Variants in ACTR1A observed in about 807,000 individuals in gnomAD.
ACTR1A encodes alpha-centractin.
Under a neutral mutation model 50.7 loss-of-function variants are expected in ACTR1A, and 10 were observed. The ratio of observed to expected loss-of-function variants is 0.20; its 90% CI spans 0.12 to 0.33. The LOEUF (loss-of-function observed/expected upper bound fraction) is 0.33. Among genes scored for constraint, ACTR1A ranks in the 10% least tolerant of loss-of-function variants. ACTR1A has a pLI of 1.00. For missense variants in ACTR1A, 253 were observed against 491.7 expected (o/e 0.51, Z 4.59); for synonymous variants, 177 against 184.2 (o/e 0.96, Z 0.32).
intron 2 of ACTR1A, 113 bp downstream of exon 2, chr10:102,490,436 G>A (rs2062186652): frequency 1.3e-6 from 1 of 745,008 alleles, no homozygotes; most frequent in East Asian, 2.8e-5. Context: ...ATTGTACCAT[G>A]TAGACAACTG....
chr10:102,488,379 A>C lies in ACTR1A; in HGVS notation c.190-104T>G. 1.4e-6 allele frequency: 2 copies of C among 1,469,690 alleles called. No individual in the cohort carries two copies. Among genetic ancestry groups the C allele is most frequent in the Non-Finnish European group, 1.9e-6 (2 of 1,067,424 alleles). 91.0% of individuals were successfully genotyped at this position (1,469,690 alleles called of 1,614,324 possible). On this transcript the variant is annotated intron_variant, in intron 3 of 10. Coordinates refer to ENST00000369905, the MANE Select transcript of ACTR1A (RefSeq NM_005736.4). The surrounding 1 kb of genome is among the most constrained non-coding windows in gnomAD (Gnocchi z 4.4). The stretch of plus-strand genomic sequence containing the variant: ...GCTGAATCCCTTGCAAAGAAGCCTC[A>C]GCTTCCTGAGCTTCCACCCTGCTGT...
Position 102,488,051 on chromosome 10 carries a change from C to A in ACTR1A, c.315+99G>T. ...GCCTGAAAATCAAATGGCTCCAGCA[C>A]TCTTGGCAGTGATCATCGTCCTCCT... is the stretch of plus-strand genomic sequence containing the variant. On this transcript the variant is annotated intron_variant, in intron 4 of 10. Coordinates refer to ENST00000369905, the MANE Select transcript of ACTR1A (RefSeq NM_005736.4). The surrounding 1 kb of genome is among the most constrained non-coding windows in gnomAD (Gnocchi z 4.4). 1.4e-6 allele frequency: 2 copies of A among 1,436,088 alleles called. No homozygotes were observed. The highest frequency in any genetic ancestry group is 1.3e-5 in the South Asian group (1 of 78,398). 89.0% of individuals were successfully genotyped at this position (1,436,088 alleles called of 1,614,324 possible).
intron 1 of ACTR1A, among the ~76,000 whole-genome samples, chr10:102,494,323 C>T (rs1202661409): frequency 6.6e-6 from 1 of 152,114 alleles, no homozygotes; most frequent in Non-Finnish European, 1.5e-5. Context: ...TGGAGAAACC[C>T]CATCACTACA....
chr10:102,498,757 GCCA>G lies in ACTR1A; in HGVS notation c.48+3840_48+3842del, dbSNP rs554563899. Among the ~76,000 whole-genome samples, 343 of 152,078 alleles carry G rather than the reference GCCA, an allele frequency of 2.3e-3. 2 individuals carry two copies. The highest frequency in any genetic ancestry group is 7.8e-3 in the African/African-American group (325 of 41,456). Reference sequence around the variant, plus strand: ...CAAAATGCTGGAATTACAGGAGTAAGCCACCACATTTGGCCTGGATCTTAGGAA... The same window carrying G: ...CAAAATGCTGGAATTACAGGAGTAAGCCACATTTGGCCTGGATCTTAGGAA... On this transcript the variant is annotated intron_variant, in intron 1 of 10. Coordinates refer to ENST00000369905, the MANE Select transcript of ACTR1A (RefSeq NM_005736.4).
intron 4 of ACTR1A, among the ~76,000 whole-genome samples, chr10:102,487,057 C>T (rs374965773): frequency 6.6e-6 from 1 of 151,398 alleles, no homozygotes; most frequent in South Asian, 2.1e-4. Context: ...GCTGGGATTA[C>T]AGGCATGACC....
intron 1 of ACTR1A, among the ~76,000 whole-genome samples, chr10:102,493,553 C>T (rs117773210): frequency 0.014 from 2,176 of 152,164 alleles, 26 homozygotes; most frequent in Admixed American, 0.024. Context: ...TATAAAAAGC[C>T]CAGTTCAAAT....
At chr10:102,481,647 A>C (rs1192464835) in intron 9 of ACTR1A, among the ~76,000 whole-genome samples, 190 bp downstream of exon 9, 1 of 152,144 alleles carries the variant, frequency 6.6e-6, no homozygotes, top group African/African-American at 2.4e-5. Flanking sequence ...GTGAAGAGGG[A>C]GAATGAGAAC....
chr10:102,487,873 C>A (rs986062906), intron 4 of ACTR1A, among the ~76,000 whole-genome samples: 2 of 152,048 alleles, frequency 1.3e-5, no homozygotes, highest in Admixed American at 1.3e-4. Flanking sequence ...CCTCGTGATC[C>A]ACCCGCCTCG....
intron 1 of ACTR1A, among the ~76,000 whole-genome samples, chr10:102,500,084 C>G (rs2062240690): frequency 6.6e-6 from 1 of 152,162 alleles, no homozygotes; most frequent in African/African-American, 2.4e-5. Flanking sequence ...AGAATATCAT[C>G]TTTTTCCACA....
chr10:102,492,264 G>T (rs2062198453), intron 1 of ACTR1A, among the ~76,000 whole-genome samples: 1 of 146,984 alleles, frequency 6.8e-6, no homozygotes. Flanking sequence ...GGAGATGAGG[G>T]TTCACCGTGT....
rs1589968308 is a variant in ACTR1A at position 102,502,659 on chromosome 10, C to A, written c.-12G>T. 2.5e-6 allele frequency: 4 copies of A among 1,614,240 alleles called. No homozygotes were observed. The East Asian group carries it at 8.9e-5, about 36-fold the overall frequency. On this transcript the variant is annotated 5_prime_UTR_variant, in exon 1 of 11. Transcript: ENST00000369905. ...TCGTAGGACTCCATGGCAGAGGAAT[C>A]TCTCCTTCTGGGGAAGGAACTGCCC...
At chr10:102,491,810 G>T (rs2062195639) in intron 1 of ACTR1A, among the ~76,000 whole-genome samples, 1 of 152,182 alleles carries the variant, frequency 6.6e-6, no homozygotes, top group Non-Finnish European at 1.5e-5. Context: ...CTGTCGCCCA[G>T]GCTGGAGTGC....
Position 102,479,286 on chromosome 10 carries a change from G to A in ACTR1A, c.*1577C>T. On this transcript the variant is annotated 3_prime_UTR_variant, in exon 11 of 11. Transcript: ENST00000369905. The surrounding 1 kb of genome is among the most constrained non-coding windows in gnomAD (Gnocchi z 4.0). ...ACACTGGGCCCCACCAGGCAATGTG[G>A]TTTGTGCGAGGCTGTGCGAGGGACA... is the stretch of plus-strand genomic sequence containing the variant. 2.1e-6 allele frequency: 1 copy of A among 484,122 alleles called. No homozygotes were observed. The highest frequency in any genetic ancestry group is 3.6e-6 in the Non-Finnish European group (1 of 279,842). The allele number at this position is 484,122 out of a possible 1,614,324, so 30.0% of individuals were successfully genotyped here.
chr10:102,490,346 A>T (rs1352018866), intron 2 of ACTR1A, among the ~76,000 whole-genome samples: 2 of 152,030 alleles, frequency 1.3e-5, no homozygotes, highest in Non-Finnish European at 2.9e-5. Flanking sequence ...CTCCAAAGCA[A>T]TAAGTTACCA....
Position 102,479,466 on chromosome 10 carries a change from G to A in ACTR1A, c.*1397C>T. On this transcript the variant is annotated 3_prime_UTR_variant, in exon 11 of 11. Transcript: ENST00000369905. This position sits in a 1 kb window ranked among gnomAD's most constrained non-coding sequence, Gnocchi z 4.0. Reference sequence around the variant, plus strand: ...GGGGAGAATACTGTGTGAAGTCTGGGATTGGGGTGGGTCTTGGTGTCACAG... The same window carrying A: ...GGGGAGAATACTGTGTGAAGTCTGGAATTGGGGTGGGTCTTGGTGTCACAG... The A allele has an allele frequency of 2.2e-6, 1 of 448,306 alleles. No individual in the cohort carries two copies. Among genetic ancestry groups the A allele is most frequent in the South Asian group, 1.9e-5 (1 of 52,772 alleles). 27.8% of individuals were successfully genotyped at this position (448,306 alleles called of 1,614,324 possible).
chr10:102,500,203 G>A (rs2062241714), intron 1 of ACTR1A, among the ~76,000 whole-genome samples: 1 of 152,202 alleles, frequency 6.6e-6, no homozygotes, highest in African/African-American at 2.4e-5. Flanking sequence ...GGAGGCCAAG[G>A]CGGGTGGATC....
intron 1 of ACTR1A, among the ~76,000 whole-genome samples, chr10:102,492,290 C>G (rs1206107296): frequency 2.0e-5 from 3 of 151,728 alleles, no homozygotes; most frequent in Non-Finnish European, 2.9e-5. Context: ...AGGCTGGTCT[C>G]GAACTCCTGA....
intron 1 of ACTR1A, among the ~76,000 whole-genome samples, chr10:102,495,526 G>A (rs1261080041): frequency 1.3e-5 from 2 of 150,848 alleles, no homozygotes; most frequent in African/African-American, 4.9e-5. Flanking sequence ...CAGACATTGC[G>A]CGACTGCACT....
intron 2 of ACTR1A, among the ~76,000 whole-genome samples, chr10:102,490,207 TG>T (rs2062185477): frequency 7.9e-6 from 1 of 125,908 alleles, no homozygotes. Context: ...CACTCCAGCC[TG>T]GGCAACACAG....
Sources: gnomAD v4.1 joint callset for allele counts (sites outside exome capture counted in the v4.1 genomes callset) on GRCh38, gnomAD v4.1.1 for gene constraint, Gnocchi (gnomAD v3.1) non-coding constraint, MANE v1.5 for transcripts, NCBI Gene and HGNC (gene_info 2026-07-23, HGNC 2026-07-21) for gene names.